Variants in EYS observed in about 807,000 individuals in gnomAD.
The protein encoded by EYS is protein eyes shut homolog.
In EYS, 250 loss-of-function variants were observed where a neutral mutation model predicts 282.1. The ratio of observed to expected loss-of-function variants is 0.89; its 90% CI spans 0.80 to 0.98. EYS has a LOEUF of 0.98. Among genes scored for constraint, EYS ranks in the 50% least tolerant of loss-of-function variants. The probability of loss-of-function intolerance (pLI) is 0.00; values close to 1 mark genes in which losing one functional copy is unlikely to be tolerated. For missense variants in EYS, 4,016 were observed against 3,709.0 expected, an observed-to-expected ratio of 1.08 and a Z score of -2.15; for synonymous variants, 1,355 against 1,282.9, an observed-to-expected ratio of 1.06 and a Z score of -1.20.
intron 35 of EYS, among the ~76,000 whole-genome samples, chr6:63,970,479 CA>C (rs1292467956): frequency 6.6e-6 from 1 of 151,998 alleles, no homozygotes; most frequent in Non-Finnish European, 1.5e-5. Flanking sequence ...ACTAAAAATA[CA>C]AAAAATTAGC....
Position 64,235,446 on chromosome 6 carries a change from G to T in EYS, c.6192-4622C>A, listed in dbSNP as rs62413881. On this transcript the variant is annotated intron_variant, in intron 30 of 42. Coordinates refer to ENST00000503581, the MANE Select transcript of EYS (RefSeq NM_001142800.2). ...ATCATTTTTTATGGCTGCATAGTAT[G>T]CCATGGTGTATATGTGCCACATTTT... Among the ~76,000 whole-genome samples the T allele has an allele frequency of 8.2e-4, 124 of 152,066 alleles. 1 individual carries two copies. The highest frequency in any genetic ancestry group is 2.7e-3 in the African/African-American group (112 of 41,462).
At chr6:65,188,767 A>G (rs1208788737) in intron 12 of EYS, among the ~76,000 whole-genome samples, 2 of 148,056 alleles carry the variant, frequency 1.4e-5, no homozygotes, top group African/African-American at 4.9e-5. Flanking sequence ...TTGCATGCAA[A>G]AAAAAAAAAA....
chr6:65,449,519 T>C (rs966577316), intron 5 of EYS, among the ~76,000 whole-genome samples: 1 of 152,092 alleles, frequency 6.6e-6, no homozygotes, highest in Admixed American at 6.6e-5. Flanking sequence ...TTAAGGTTAG[T>C]ATACATTGTT....
intron 11 of EYS, chr6:65,330,164 G>C: frequency 1.0e-6 from 1 of 980,864 alleles, no homozygotes. Flanking sequence ...GTTCTGAAGA[G>C]TGTATAATCT....
intron 2 of EYS, among the ~76,000 whole-genome samples, chr6:65,553,887 AAT>A (rs1339021663): frequency 6.6e-6 from 1 of 152,158 alleles, no homozygotes; most frequent in Non-Finnish European, 1.5e-5. Flanking sequence ...ATATTTAAAA[AAT>A]ATGTCAATGG....
chr6:64,585,787 C>G (rs747422246), intron 26 of EYS, among the ~76,000 whole-genome samples: 1 of 152,044 alleles, frequency 6.6e-6, no homozygotes, highest in Admixed American at 6.6e-5. Flanking sequence ...CTATTCAACA[C>G]TTTCTTGGTT....
intron 2 of EYS, among the ~76,000 whole-genome samples, chr6:65,538,746 C>T (rs1768052459): frequency 6.6e-6 from 1 of 152,072 alleles, no homozygotes; most frequent in African/African-American, 2.4e-5. Flanking sequence ...GAAACCCTTC[C>T]ATGACTCCTC....
chr6:64,975,231 C>T (rs905472468), intron 14 of EYS, among the ~76,000 whole-genome samples: 8 of 151,644 alleles, frequency 5.3e-5, no homozygotes, highest in South Asian at 2.1e-4. Context: ...GATATAAAAA[C>T]GATAATTTTG....
chr6:63,783,525 A>G (rs1770288684), intron 39 of EYS, among the ~76,000 whole-genome samples: 1 of 152,218 alleles, frequency 6.6e-6, no homozygotes, highest in Admixed American at 6.5e-5. Context: ...AAAACTAAAA[A>G]TCCTATTCTC....
At chr6:65,580,592 C>T (rs1185171283) in intron 2 of EYS, among the ~76,000 whole-genome samples, 1 of 152,028 alleles carries the variant, frequency 6.6e-6, no homozygotes, top group African/African-American at 2.4e-5. Flanking sequence ...ACATTGCATT[C>T]TTTGAAGCAA....
intron 14 of EYS, among the ~76,000 whole-genome samples, chr6:64,963,534 A>C (rs147626202): frequency 0.016 from 2,389 of 152,300 alleles, 63 homozygotes; most frequent in African/African-American, 0.054. Context: ...TTCTGAGACC[A>C]CCAAAAGATA....
intron 12 of EYS, among the ~76,000 whole-genome samples, chr6:65,255,411 T>G (rs1448216810): frequency 6.6e-6 from 1 of 151,830 alleles, no homozygotes; most frequent in African/African-American, 2.4e-5. Context: ...ATAAAGCTAC[T>G]AAAATAAAAC....
intron 31 of EYS, among the ~76,000 whole-genome samples, chr6:64,152,639 T>G (rs1022938832): frequency 6.6e-6 from 1 of 152,164 alleles, no homozygotes; most frequent in Non-Finnish European, 1.5e-5. Flanking sequence ...TCAAATGACA[T>G]TTTCAGTTAT....
chr6:64,656,685 G>A (rs530234812), intron 22 of EYS, among the ~76,000 whole-genome samples: 8 of 152,138 alleles, frequency 5.3e-5, no homozygotes, highest in Non-Finnish European at 1.0e-4. Flanking sequence ...AGAAAGCTAA[G>A]GTGTGTATAC....
At chr6:64,452,329 C>T (rs1250062782) in intron 26 of EYS, among the ~76,000 whole-genome samples, 4 of 152,086 alleles carry the variant, frequency 2.6e-5, no homozygotes, top group Non-Finnish European at 5.9e-5. Flanking sequence ...TCAAGGAGAA[C>T]TACAAACCAC....
Position 63,762,589 on chromosome 6 carries a change from G to A in EYS, c.7943C>T (p.Thr2648Ile). 2 of 1,550,340 alleles carry A rather than the reference G, an allele frequency of 1.3e-6. No individual in the cohort carries two copies. The highest frequency in any genetic ancestry group is 1.7e-6 in the Non-Finnish European group (2 of 1,146,058). Reference sequence around the variant, plus strand: ...ATGTTCAGGATCACAGGTAGAAACTGTCTCTGTGCAGAATGATCCTTTCCA... The same window carrying A: ...ATGTTCAGGATCACAGGTAGAAACTATCTCTGTGCAGAATGATCCTTTCCA... ...TGWKGSFCTE[T>I]VSTCDPEHDP... The change falls in exon 41 of 43, where the codon ACA becomes ATA. Residue 2648 changes from threonine (T) to isoleucine (I), a missense_variant. By Grantham distance (89) the Thr-to-Ile change is moderately conservative. Transcript: ENST00000503581.
chr6:64,327,329 G>T (rs530554477), intron 29 of EYS, among the ~76,000 whole-genome samples: 1 of 152,108 alleles, frequency 6.6e-6, no homozygotes, highest in African/African-American at 2.4e-5. Flanking sequence ...AAAGCACCTC[G>T]CAAGGGAGGA....
intron 26 of EYS, among the ~76,000 whole-genome samples, chr6:64,535,372 G>A (rs918587219): frequency 6.6e-6 from 1 of 152,084 alleles, no homozygotes; most frequent in African/African-American, 2.4e-5. Flanking sequence ...AGTAACTCAA[G>A]TTGAAGAACA....
intron 19 of EYS, among the ~76,000 whole-genome samples, chr6:64,839,436 T>C (rs1765495176): frequency 6.6e-6 from 1 of 152,072 alleles, no homozygotes; most frequent in Non-Finnish European, 1.5e-5. Context: ...AGTGTTCCTT[T>C]ATAGTACAAA....
Sources: gnomAD v4.1 joint callset for allele counts (sites outside exome capture counted in the v4.1 genomes callset) on GRCh38, gnomAD v4.1.1 for gene constraint, MANE v1.5 for transcripts, NCBI Gene and HGNC (gene_info 2026-07-23, HGNC 2026-07-21) for gene names.